Variants in KIZ observed in about 807,000 individuals in gnomAD.
KIZ encodes kizuna centrosomal protein, also known as centrosomal protein kizuna.
A neutral mutation model predicts 79.6 loss-of-function variants in KIZ; 68 were observed. That is an observed-to-expected ratio of 0.85 (90% CI 0.70 to 1.05). KIZ has a LOEUF of 1.05. Ranked by LOEUF, KIZ falls within the 50% of genes least tolerant of loss-of-function variation. The pLI is 0.00. For synonymous variants in KIZ, 280 were observed against 281.8 expected (o/e 0.99, Z 0.06); for missense variants, 797 against 800.4 (o/e 1.00, Z 0.05).
At chr20:21,188,284 A>G (rs927039412) in intron 6 of KIZ, among the ~76,000 whole-genome samples, 3 of 152,224 alleles carry the variant, frequency 2.0e-5, no homozygotes, top group Non-Finnish European at 4.4e-5. Flanking sequence ...AGAGACGCCA[A>G]GAAGAATGAA....
intron 6 of KIZ, among the ~76,000 whole-genome samples, chr20:21,165,088 T>C (rs2033868015): frequency 1.3e-5 from 2 of 152,200 alleles, no homozygotes. Context: ...TAGCATCATA[T>C]TTATAGAGCT....
chr20:21,163,003 G>T lies in KIZ; in HGVS notation c.1196G>T (p.Gly399Val), dbSNP rs767137895. ...AGCCCAGAACCACAGCCAAATCCAG[G>T]TGGCAAGATGGAGGGAGAAGATGGA... ...LESPEPQPNPGGKMEGEDGIE... is the reference protein window; with the variant it reads ...LESPEPQPNPVGKMEGEDGIE... Residue 399 changes from glycine (G) to valine (V), a missense_variant, in exon 6 of 13, where the codon GGT (glycine) becomes GTT (valine). Coordinates refer to ENST00000619189, the MANE Select transcript of KIZ (RefSeq NM_018474.6). 1 of 1,613,902 alleles carries T rather than the reference G, an allele frequency of 6.2e-7. No individual in the cohort carries two copies. Among genetic ancestry groups the T allele is most frequent in the Non-Finnish European group, 8.5e-7 (1 of 1,179,850 alleles).
At chr20:21,212,942 G>C (rs917300637) in intron 7 of KIZ, among the ~76,000 whole-genome samples, 4 of 152,210 alleles carry the variant, frequency 2.6e-5, no homozygotes, top group African/African-American at 9.7e-5. Context: ...AGTTATCACA[G>C]TGGAGTGAAA....
chr20:21,192,020 G>A (rs1355830136), intron 6 of KIZ, among the ~76,000 whole-genome samples: 2 of 152,074 alleles, frequency 1.3e-5, no homozygotes, highest in South Asian at 2.1e-4. Context: ...GCGGGGAGGG[G>A]TACACTGGGA....
In KIZ at chr20:21,136,555, G is replaced by T. The variant is rs1255406463; in HGVS notation, c.315+3G>T. 3 of 1,535,844 alleles carry T rather than the reference G, an allele frequency of 2.0e-6. No individual in the cohort carries two copies. The highest frequency in any genetic ancestry group is 2.8e-5 in the African/African-American group (2 of 70,836). ...CAGAGAAGCTTCAAAAACTGAAGGT[G>T]ACTTCCTGTTTTTTACTGTGTTTTA... On this transcript the variant is annotated splice_donor_region_variant and intron_variant, in intron 3 of 12. Coordinates refer to ENST00000619189, the MANE Select transcript of KIZ (RefSeq NM_018474.6).
intron 6 of KIZ, among the ~76,000 whole-genome samples, chr20:21,170,714 T>G (rs1333985830): frequency 6.6e-6 from 1 of 152,136 alleles, no homozygotes; most frequent in Non-Finnish European, 1.5e-5. Flanking sequence ...TATTCGTTCT[T>G]TCTAACTTAT....
At chr20:21,139,518 A>G (rs1326668425) in intron 3 of KIZ, among the ~76,000 whole-genome samples, 1 of 152,204 alleles carries the variant, frequency 6.6e-6, no homozygotes, top group Admixed American at 6.5e-5. Flanking sequence ...TCATGGAGAA[A>G]ATGAAAGTGA....
intron 2 of KIZ, among the ~76,000 whole-genome samples, chr20:21,135,978 A>G (rs1346019099): frequency 6.6e-6 from 1 of 151,950 alleles, no homozygotes; most frequent in Non-Finnish European, 1.5e-5. Flanking sequence ...ATGGGTTGTG[A>G]TTTGTAGTTT....
intron 2 of KIZ, among the ~76,000 whole-genome samples, chr20:21,134,400 T>A (rs1174195471): frequency 6.6e-6 from 1 of 152,090 alleles, no homozygotes; most frequent in African/African-American, 2.4e-5. Flanking sequence ...GGGCAATTAC[T>A]CCAACATTCG....
chr20:21,200,346 G>A (rs1397092560), intron 6 of KIZ, among the ~76,000 whole-genome samples: 1 of 152,096 alleles, frequency 6.6e-6, no homozygotes. Context: ...TTAGGGAGGT[G>A]TGGGCAGGGG....
intron 6 of KIZ, among the ~76,000 whole-genome samples, chr20:21,165,059 T>C (rs2033865891): frequency 6.6e-6 from 1 of 152,214 alleles, no homozygotes; most frequent in Non-Finnish European, 1.5e-5. Context: ...CTGAGGGTTA[T>C]TGGTCTGAGA....
chr20:21,145,170 TTG>T lies in KIZ; in HGVS notation c.316-393_316-392del, dbSNP rs869181928. Among the ~76,000 whole-genome samples the T allele has an allele frequency of 5.4e-3, 685 of 126,354 alleles. 5 individuals are homozygous for T. Among genetic ancestry groups the T allele is most frequent in the African/African-American group, 9.5e-3 (319 of 33,550 alleles). The allele number at this position is 126,354 out of a possible 152,430, so 82.9% of individuals were successfully genotyped here. ...AAGAAATCAGTAGGATTGATTTTTTTTGTTTGTTTGGGGCAAAACTTCTAAAA... is the reference window on the plus strand; with the variant it reads ...AAGAAATCAGTAGGATTGATTTTTTTTTTGTTTGGGGCAAAACTTCTAAAA... On this transcript the variant is annotated intron_variant, in intron 3 of 12. Coordinates refer to ENST00000619189, the MANE Select transcript of KIZ (RefSeq NM_018474.6).
chr20:21,229,160 G>C (rs185478343), intron 10 of KIZ, 45 bp downstream of exon 10: 25 of 1,122,048 alleles, frequency 2.2e-5, no homozygotes, highest in Non-Finnish European at 3.3e-5. Flanking sequence ...AGAGTGGCAG[G>C]CAGGGCTGTG....
intron 8 of KIZ, among the ~76,000 whole-genome samples, chr20:21,215,241 C>T (rs1286788308): frequency 1.3e-5 from 2 of 152,176 alleles, no homozygotes; most frequent in Non-Finnish European, 2.9e-5. Flanking sequence ...TAATGGTTTT[C>T]CAAGACAGCT....
upstream of KIZ, chr20:21,126,029 C>T (rs1475071731): frequency 6.6e-6 from 9 of 1,358,842 alleles, no homozygotes; most frequent in Non-Finnish European, 7.6e-6. Context: ...GGTGTTTACC[C>T]GCGGTGCATG....
intron 7 of KIZ, 70 bp downstream of exon 7, chr20:21,205,654 T>C: frequency 1.5e-6 from 1 of 661,312 alleles, no homozygotes; most frequent in East Asian, 3.1e-5. Flanking sequence ...TAGTAATTTT[T>C]ATTTAAAAAA....
chr20:21,156,994 C>CA (rs2033417543), intron 4 of KIZ, among the ~76,000 whole-genome samples: 1 of 152,140 alleles, frequency 6.6e-6, no homozygotes, highest in Non-Finnish European at 1.5e-5. Flanking sequence ...CATGCTGATG[C>CA]ACACCTGCAG....
At chr20:21,208,369 C>G (rs573339233) in intron 7 of KIZ, among the ~76,000 whole-genome samples, 1 of 152,202 alleles carries the variant, frequency 6.6e-6, no homozygotes, top group Non-Finnish European at 1.5e-5. Context: ...TAGTGACAAT[C>G]ATAAAAAGTA....
intron 6 of KIZ, among the ~76,000 whole-genome samples, chr20:21,187,435 T>C (rs1003038013): frequency 6.6e-6 from 1 of 152,218 alleles, no homozygotes; most frequent in Non-Finnish European, 1.5e-5. Flanking sequence ...TCAGACTAAA[T>C]TGGCCTCTGT....
Sources: gnomAD v4.1 joint callset for allele counts (sites outside exome capture counted in the v4.1 genomes callset) on GRCh38, gnomAD v4.1.1 for gene constraint, MANE v1.5 for transcripts, NCBI Gene and HGNC (gene_info 2026-07-23, HGNC 2026-07-21) for gene names.